SIPA1L1: variants seen among roughly 807,000 people sequenced by gnomAD.
SIPA1L1 encodes signal induced proliferation associated 1 like 1.
A neutral mutation model predicts 162.7 loss-of-function variants in SIPA1L1; 26 were observed. The ratio of observed to expected loss-of-function variants is 0.16; its 90% CI spans 0.12 to 0.22. The LOEUF (loss-of-function observed/expected upper bound fraction) is 0.22, where lower values mean the gene tolerates loss of function less well. Ranked by LOEUF, SIPA1L1 falls within the 10% of genes least tolerant of loss-of-function variation. The probability of loss-of-function intolerance (pLI) is 1.00; values close to 1 mark genes in which losing one functional copy is unlikely to be tolerated. For missense variants in SIPA1L1, 1,874 were observed against 2,241.0 expected, an observed-to-expected ratio of 0.84 and a Z score of 3.31; for synonymous variants, 829 against 837.4, an observed-to-expected ratio of 0.99 and a Z score of 0.17.
chr14:71,689,205 T>C (rs1029901654), intron 13 of SIPA1L1, among the ~76,000 whole-genome samples: 6 of 152,236 alleles, frequency 3.9e-5, no homozygotes, highest in East Asian at 3.8e-4. Context: ...AAAAATTCTT[T>C]AGTTGGATGA....
chr14:71,408,012 A>G (rs538054633), intron 2 of SIPA1L1, among the ~76,000 whole-genome samples: 6 of 152,206 alleles, frequency 3.9e-5, no homozygotes, highest in Non-Finnish European at 8.8e-5. Flanking sequence ...AGGTTACAAA[A>G]TCATCAGTGC....
chr14:71,617,252 C>T (rs890742283), intron 5 of SIPA1L1, among the ~76,000 whole-genome samples: 18 of 152,222 alleles, frequency 1.2e-4, no homozygotes, highest in African/African-American at 3.9e-4. Context: ...ATCAGCCCTA[C>T]ACCCTGGACT....
At chr14:71,417,676 G>GAGGC (rs930145116) in intron 2 of SIPA1L1, among the ~76,000 whole-genome samples, 15 of 151,840 alleles carry the variant, frequency 9.9e-5, no homozygotes, top group Admixed American at 9.9e-4. Context: ...GGAGGCAGGA[G>GAGGC]AGGCAGGCAC....
intron 13 of SIPA1L1, among the ~76,000 whole-genome samples, chr14:71,694,422 A>G (rs1025527620): frequency 4.6e-5 from 7 of 152,300 alleles, no homozygotes; most frequent in African/African-American, 1.2e-4. Flanking sequence ...AGTGTAGTCA[A>G]AAGACTGTGG....
intron 5 of SIPA1L1, among the ~76,000 whole-genome samples, chr14:71,608,759 G>T (rs899402080): frequency 6.6e-6 from 1 of 152,058 alleles, no homozygotes; most frequent in Non-Finnish European, 1.5e-5. Flanking sequence ...GCCGGGCGTG[G>T]TGGTGCATGC....
At chr14:71,572,228 C>T (rs1184790745) in intron 4 of SIPA1L1, among the ~76,000 whole-genome samples, 2 of 152,224 alleles carry the variant, frequency 1.3e-5, no homozygotes, top group Non-Finnish European at 2.9e-5. Flanking sequence ...AATTCACTCA[C>T]CTCTTAAAGG....
At chr14:71,323,645 C>T (rs1363969670) in intron 2 of SIPA1L1, among the ~76,000 whole-genome samples, 1 of 151,580 alleles carries the variant, frequency 6.6e-6, no homozygotes, top group African/African-American at 2.4e-5. Flanking sequence ...TTTTTTTCCC[C>T]TTTGGATCAA....
chr14:71,644,580 A>G (rs1263391809), intron 7 of SIPA1L1, among the ~76,000 whole-genome samples: 2 of 152,230 alleles, frequency 1.3e-5, no homozygotes, highest in African/African-American at 4.8e-5. Context: ...AATTTCATAC[A>G]GCAGTCATTT....
chr14:71,637,489 G>A (rs943956022), intron 7 of SIPA1L1, among the ~76,000 whole-genome samples: 2 of 152,058 alleles, frequency 1.3e-5, no homozygotes, highest in Non-Finnish European at 2.9e-5. Flanking sequence ...CAGCAACTCA[G>A]GAGGCTGAGG....
chr14:71,522,818 C>T (rs559823073), intron 3 of SIPA1L1, among the ~76,000 whole-genome samples: 2 of 152,060 alleles, frequency 1.3e-5, no homozygotes, highest in African/African-American at 4.8e-5. Context: ...CTCAGCCTCC[C>T]GAGTAGTTGG....
intron 2 of SIPA1L1, among the ~76,000 whole-genome samples, chr14:71,351,609 C>T (rs111349586): frequency 0.025 from 2,697 of 109,448 alleles, 32 homozygotes; most frequent in East Asian, 0.047. Flanking sequence ...TTTCCTAATA[C>T]GGTTTATTAT....
intron 15 of SIPA1L1, chr14:71,704,846 A>G: frequency 9.0e-7 from 1 of 1,106,210 alleles, no homozygotes; most frequent in Admixed American, 1.7e-5. Flanking sequence ...TGTCTAGGTA[A>G]TGTAGACCAA....
intron 5 of SIPA1L1, among the ~76,000 whole-genome samples, chr14:71,597,886 A>G (rs2036235235): frequency 6.6e-6 from 1 of 152,208 alleles, no homozygotes; most frequent in Non-Finnish European, 1.5e-5. Context: ...TCTATGCTGC[A>G]TTAATTCACA....
At chr14:71,682,379 T>G (rs901319619) in intron 12 of SIPA1L1, among the ~76,000 whole-genome samples, 2 of 152,234 alleles carry the variant, frequency 1.3e-5, no homozygotes, top group African/African-American at 4.8e-5. Flanking sequence ...TGTTGTATAC[T>G]TCTTGATTCT....
At chr14:71,691,905 C>T (rs945160418) in intron 13 of SIPA1L1, among the ~76,000 whole-genome samples, 4 of 152,186 alleles carry the variant, frequency 2.6e-5, no homozygotes, top group Admixed American at 1.3e-4. Context: ...TATGAAACTT[C>T]GCTTTAATGT....
At chr14:71,341,013 C>T (rs2035597662) in intron 2 of SIPA1L1, among the ~76,000 whole-genome samples, 1 of 152,166 alleles carries the variant, frequency 6.6e-6, no homozygotes, top group South Asian at 2.1e-4. Context: ...TCTCTGACAC[C>T]TAGAGAAAAG....
chr14:71,390,541 C>G (rs2040663103), intron 2 of SIPA1L1, among the ~76,000 whole-genome samples: 1 of 151,910 alleles, frequency 6.6e-6, no homozygotes, highest in African/African-American at 2.4e-5. Flanking sequence ...TTTGGGAGGC[C>G]AAGGGAGGTG....
At chr14:71,457,301 AT>A (rs34181116) in intron 2 of SIPA1L1, among the ~76,000 whole-genome samples, 2,088 of 139,564 alleles carry the variant, frequency 0.015, 43 homozygotes, top group Admixed American at 0.069. Flanking sequence ...TGCAATGAAC[AT>A]TTTTTTTTTT....
chr14:71,732,732 G>T (rs1341613981), intron 20 of SIPA1L1, among the ~76,000 whole-genome samples: 2 of 152,196 alleles, frequency 1.3e-5, no homozygotes, highest in Non-Finnish European at 2.9e-5. Context: ...AATAATGCCA[G>T]TTCCACCCCT....
Sources: gnomAD v4.1 joint callset for allele counts (sites outside exome capture counted in the v4.1 genomes callset) on GRCh38, gnomAD v4.1.1 for gene constraint, MANE v1.5 for transcripts, NCBI Gene and HGNC (gene_info 2026-07-23, HGNC 2026-07-21) for gene names.